The following SLAIN1 variants were observed in gnomAD, a reference collection of about 807,000 sequenced individuals.
The protein encoded by SLAIN1 is SLAIN family member 1, also known as SLAIN motif-containing protein 1.
A neutral mutation model predicts 55.4 loss-of-function variants in SLAIN1; 17 were observed. The observed-to-expected ratio is 0.31, with a 90% CI of 0.21 to 0.46. The LOEUF (loss-of-function observed/expected upper bound fraction) is 0.46, where lower values mean the gene tolerates loss of function less well. SLAIN1 is among the 20% of genes least tolerant of loss of function. SLAIN1 has a pLI of 1.00. For missense variants in SLAIN1, 682 were observed against 785.1 expected (o/e 0.87, Z 1.57); for synonymous variants, 348 against 337.4 (o/e 1.03, Z -0.35).
intron 5 of SLAIN1, among the ~76,000 whole-genome samples, chr13:77,757,420 G>A (rs548191352): frequency 6.6e-6 from 1 of 151,842 alleles, no homozygotes; most frequent in Non-Finnish European, 1.5e-5. Flanking sequence ...CTATACACAT[G>A]TATCAACATT....
At chr13:77,729,790 C>T (rs1437006100) in intron 2 of SLAIN1, among the ~76,000 whole-genome samples, 4 of 152,106 alleles carry the variant, frequency 2.6e-5, no homozygotes, top group African/African-American at 9.7e-5. Flanking sequence ...ATAAAAGAAG[C>T]ATAATGATGC....
At chr13:77,747,156 T>A (rs1166764745) in intron 4 of SLAIN1, among the ~76,000 whole-genome samples, 2 of 152,102 alleles carry the variant, frequency 1.3e-5, no homozygotes, top group Non-Finnish European at 2.9e-5. Flanking sequence ...TTGACCAGGC[T>A]GGTCTTGAAC....
In SLAIN1 at chr13:77,698,883, T is replaced by C. The variant is rs1282972969; in HGVS notation, c.626+344T>C. 113 of 1,531,270 alleles carry C rather than the reference T, an allele frequency of 7.4e-5. No homozygotes were observed. The highest frequency in any genetic ancestry group is 8.6e-5 in the Non-Finnish European group (99 of 1,144,752). 94.9% of individuals were successfully genotyped at this position (1,531,270 alleles called of 1,614,324 possible). ...CATGTCATCTTGTCTTTTTGCTCAG[T>C]GCTGCTCTTTTCCCCAGTGTTTTCG... On this transcript the variant is annotated intron_variant, in intron 1 of 6. Coordinates refer to ENST00000418532, the MANE Select transcript of SLAIN1 (RefSeq NM_001242868.2). This position sits in a 1 kb window ranked among gnomAD's most constrained non-coding sequence, Gnocchi z 4.1.
chr13:77,724,622 A>T (rs1001746828), intron 2 of SLAIN1, among the ~76,000 whole-genome samples: 8 of 152,214 alleles, frequency 5.3e-5, no homozygotes, highest in African/African-American at 1.4e-4. Context: ...AATGATGGTT[A>T]ATTGACAGAT....
At chr13:77,702,144 CATTTTCT>C (rs1334891473) in intron 1 of SLAIN1, among the ~76,000 whole-genome samples, 1 of 151,378 alleles carries the variant, frequency 6.6e-6, no homozygotes, top group Non-Finnish European at 1.5e-5. Context: ...ATATGTGCCA[CATTTTCT>C]TAATCCAGTC....
intron 6 of SLAIN1, 146 bp downstream of exon 6, chr13:77,761,256 G>A (rs1875000021): frequency 2.6e-6 from 2 of 768,184 alleles, no homozygotes; most frequent in African/African-American, 1.7e-5. Context: ...CCTTTGAAAA[G>A]TGATGGATAT....
At chr13:77,734,158 T>C (rs942133579) in intron 2 of SLAIN1, among the ~76,000 whole-genome samples, 1 of 152,064 alleles carries the variant, frequency 6.6e-6, no homozygotes, top group Non-Finnish European at 1.5e-5. Flanking sequence ...CCTGAGAGGA[T>C]GGTTTATGGA....
chr13:77,725,472 C>T (rs1465250441), intron 2 of SLAIN1, among the ~76,000 whole-genome samples: 1 of 152,160 alleles, frequency 6.6e-6, no homozygotes. Context: ...CTCTCATACT[C>T]TTAACTCTTT....
intron 2 of SLAIN1, among the ~76,000 whole-genome samples, chr13:77,731,376 G>A (rs1426542323): frequency 1.3e-5 from 2 of 152,112 alleles, no homozygotes; most frequent in African/African-American, 2.4e-5. Flanking sequence ...ATCCTGTACC[G>A]AAGCAAATAA....
chr13:77,697,793 C>T lies in SLAIN1; in HGVS notation c.-121C>T. ...TGCGAACCGCCGGCTCGGCCTCAGC[C>T]CGCGCGTGGTCGGCCCCCCAGGCCG... On this transcript the variant is annotated 5_prime_UTR_variant, in exon 1 of 7. Coordinates refer to ENST00000418532, the MANE Select transcript of SLAIN1 (RefSeq NM_001242868.2). 6 of 1,077,870 alleles carry T rather than the reference C, an allele frequency of 5.6e-6. No homozygotes were observed. The highest frequency in any genetic ancestry group is 6.9e-6 in the Non-Finnish European group (6 of 867,924). The allele number at this position is 1,077,870 out of a possible 1,614,324, so 66.8% of individuals were successfully genotyped here.
In SLAIN1 at chr13:77,698,589, G is replaced by T; in HGVS notation, c.626+50G>T. ...CCGAGACCCTGGCCTCGGGGGCTTC[G>T]GGCACCGGGGAGCGGGGGCGGGGGG... On this transcript the variant is annotated intron_variant, in intron 1 of 6. Transcript: ENST00000418532. The surrounding 1 kb of genome is among the most constrained non-coding windows in gnomAD (Gnocchi z 4.1). The T allele has an allele frequency of 7.4e-7, 1 of 1,350,872 alleles. No homozygotes were observed. The highest frequency in any genetic ancestry group is 1.9e-5 in the South Asian group (1 of 53,020). 83.7% of individuals were successfully genotyped at this position (1,350,872 alleles called of 1,614,324 possible).
At chr13:77,719,404 G>T in intron 1 of SLAIN1, 128 bp from the exon 2 acceptor site, 1 of 545,478 alleles carries the variant, frequency 1.8e-6, no homozygotes, top group Non-Finnish European at 3.0e-6. Flanking sequence ...AACTATTTCT[G>T]ATACTTTGAA....
chr13:77,734,235 C>A (rs1873008002), intron 2 of SLAIN1, among the ~76,000 whole-genome samples: 1 of 151,898 alleles, frequency 6.6e-6, no homozygotes, highest in South Asian at 2.1e-4. Context: ...CGGTAAAACT[C>A]CCTGCCAATT....
chr13:77,722,624 C>T (rs998595368), intron 2 of SLAIN1, among the ~76,000 whole-genome samples: 2 of 152,108 alleles, frequency 1.3e-5, no homozygotes, highest in African/African-American at 2.4e-5. Context: ...TTACACCTCA[C>T]TTCTATATTT....
chr13:77,718,076 C>T (rs74499256), intron 1 of SLAIN1, among the ~76,000 whole-genome samples: 4 of 151,406 alleles, frequency 2.6e-5, no homozygotes, highest in African/African-American at 9.7e-5. Context: ...GATGGAGTCA[C>T]AACTGTGCAA....
At chr13:77,722,552 A>T (rs1246443387) in intron 2 of SLAIN1, among the ~76,000 whole-genome samples, 1 of 151,772 alleles carries the variant, frequency 6.6e-6, no homozygotes, top group Admixed American at 6.6e-5. Flanking sequence ...ATTGCTTTGA[A>T]TTTTTTCATT....
At chr13:77,724,361 C>T (rs1183535357) in intron 2 of SLAIN1, among the ~76,000 whole-genome samples, 2 of 152,120 alleles carry the variant, frequency 1.3e-5, no homozygotes, top group Non-Finnish European at 1.5e-5. Flanking sequence ...TTATTAGTTT[C>T]TTTTTGCTGT....
intron 2 of SLAIN1, among the ~76,000 whole-genome samples, chr13:77,735,854 G>A (rs1160412637): frequency 6.6e-6 from 1 of 151,642 alleles, no homozygotes; most frequent in Non-Finnish European, 1.5e-5. Flanking sequence ...TTCTTCTCAG[G>A]ACCTTCCCTG....
chr13:77,706,012 A>G (rs2091085840), intron 1 of SLAIN1, among the ~76,000 whole-genome samples: 1 of 152,020 alleles, frequency 6.6e-6, no homozygotes, highest in African/African-American at 2.4e-5. Context: ...TAATATAATA[A>G]CATGTTAGTA....
Sources: gnomAD v4.1 joint callset for allele counts (sites outside exome capture counted in the v4.1 genomes callset) on GRCh38, gnomAD v4.1.1 for gene constraint, Gnocchi (gnomAD v3.1) non-coding constraint, MANE v1.5 for transcripts, NCBI Gene and HGNC (gene_info 2026-07-23, HGNC 2026-07-21) for gene names.